Variants in IGSF11 observed in about 807,000 individuals in gnomAD.
IGSF11 encodes the protein immunoglobulin superfamily member 11, also known as CXADR like 1.
IGSF11 carries 22 observed loss-of-function variants against 41.0 expected under a neutral mutation model. The observed-to-expected ratio is 0.54, with a 90% CI of 0.38 to 0.77. IGSF11 has a LOEUF of 0.77. Ranked by LOEUF, IGSF11 falls within the 30% of genes least tolerant of loss-of-function variation. The pLI, the probability that IGSF11 is intolerant of heterozygous loss-of-function variation, is 0.00. For synonymous variants in IGSF11, 219 were observed against 201.3 expected (o/e 1.09, Z -0.74); for missense variants, 444 against 530.8 (o/e 0.84, Z 1.61).
intron 1 of IGSF11, among the ~76,000 whole-genome samples, chr3:118,955,020 G>T (rs1354678514): frequency 6.6e-6 from 1 of 152,126 alleles, no homozygotes; most frequent in African/African-American, 2.4e-5. Context: ...ACTAGTAAAA[G>T]TAGAACTACC....
intron 1 of IGSF11, among the ~76,000 whole-genome samples, chr3:119,047,601 C>T (rs1941417521): frequency 6.6e-6 from 1 of 152,058 alleles, no homozygotes; most frequent in African/African-American, 2.4e-5. Context: ...GACAGAAAGT[C>T]AACAAGGATA....
chr3:119,079,383 A>T (rs2076553177), intron 1 of IGSF11, among the ~76,000 whole-genome samples: 1 of 152,144 alleles, frequency 6.6e-6, no homozygotes, highest in Non-Finnish European at 1.5e-5. Context: ...GTTAAAAAAT[A>T]ACAGATGTTG....
intron 1 of IGSF11, among the ~76,000 whole-genome samples, chr3:119,069,014 C>T (rs1166363671): frequency 6.6e-6 from 1 of 150,682 alleles, no homozygotes; most frequent in South Asian, 2.1e-4. Context: ...GCAAGCTCCG[C>T]CTACCAGGTT....
At chr3:119,001,751 T>G (rs1425376062) in intron 1 of IGSF11, among the ~76,000 whole-genome samples, 1 of 150,684 alleles carries the variant, frequency 6.6e-6, no homozygotes, top group Admixed American at 6.6e-5. Flanking sequence ...GATAGTTTAC[T>G]GAGAATGATG....
chr3:119,090,445 G>C (rs1488948237), intron 1 of IGSF11, among the ~76,000 whole-genome samples: 2 of 152,194 alleles, frequency 1.3e-5, no homozygotes, highest in East Asian at 3.9e-4. Flanking sequence ...TAAGCAAAAA[G>C]AACAAAGTTA....
intron 1 of IGSF11, among the ~76,000 whole-genome samples, chr3:119,062,722 T>C (rs1341432888): frequency 6.6e-6 from 1 of 152,176 alleles, no homozygotes; most frequent in Non-Finnish European, 1.5e-5. Context: ...CCTATATTGA[T>C]TGATACTTCC....
At position 119,143,436 on chromosome 3, in the gene IGSF11, T is replaced by C. The variant is rs1453643648; in HGVS notation, c.-14+2377A>G. The stretch of plus-strand genomic sequence containing the variant: ...TATAAGTTTAGGAGGCCAATTGTAA[T>C]CTCTAAGTAACCACTAAGACAATAA... On this transcript the variant is annotated intron_variant, in intron 1 of 7. Transcript: ENST00000425327. Among the ~76,000 whole-genome samples, 7 of 152,072 alleles carry C rather than the reference T, an allele frequency of 4.6e-5. No individual in the cohort carries two copies. In the East Asian group the frequency reaches 1.4e-3, roughly 29 times the overall value.
At chr3:119,121,067 T>C (rs952664947) in intron 1 of IGSF11, among the ~76,000 whole-genome samples, 1 of 152,004 alleles carries the variant, frequency 6.6e-6, no homozygotes, top group African/African-American at 2.4e-5. Flanking sequence ...ATGGCAATAA[T>C]GACAAACCTT....
At chr3:119,131,480 G>T (rs1241925379) in intron 1 of IGSF11, among the ~76,000 whole-genome samples, 1 of 152,094 alleles carries the variant, frequency 6.6e-6, no homozygotes, top group South Asian at 2.1e-4. Context: ...TAATGAAATA[G>T]CGAGAAGACA....
intron 1 of IGSF11, among the ~76,000 whole-genome samples, chr3:118,971,586 C>T (rs553629828): frequency 2.6e-5 from 4 of 152,132 alleles, no homozygotes; most frequent in South Asian, 2.1e-4. Context: ...GGGTGCATCA[C>T]GAGGTCAGGG....
intron 1 of IGSF11, among the ~76,000 whole-genome samples, chr3:118,959,213 C>T (rs1212947136): frequency 1.3e-5 from 2 of 152,184 alleles, no homozygotes; most frequent in Non-Finnish European, 2.9e-5. Context: ...TATTATGATG[C>T]TCCCTGCCAC....
intron 1 of IGSF11, among the ~76,000 whole-genome samples, chr3:119,024,295 A>G (rs1450188068): frequency 6.6e-6 from 1 of 152,226 alleles, no homozygotes; most frequent in Non-Finnish European, 1.5e-5. Flanking sequence ...TCTCACGAAA[A>G]TGAATCATGT....
At chr3:119,125,381 G>C (rs1235300706) in intron 1 of IGSF11, among the ~76,000 whole-genome samples, 1 of 152,196 alleles carries the variant, frequency 6.6e-6, no homozygotes, top group Non-Finnish European at 1.5e-5. Flanking sequence ...GGTCTGCAAA[G>C]GGTGGTGGGA....
chr3:119,070,701 A>G (rs1008051059), intron 1 of IGSF11, among the ~76,000 whole-genome samples: 3 of 152,120 alleles, frequency 2.0e-5, no homozygotes, highest in South Asian at 2.1e-4. Context: ...CTAAATGAAT[A>G]CAGATATAGA....
chr3:119,097,290 G>A (rs77951701), intron 1 of IGSF11, among the ~76,000 whole-genome samples: 1,917 of 152,244 alleles, frequency 0.013, 32 homozygotes, highest in African/African-American at 0.044. Flanking sequence ...TACTTCTGAT[G>A]TTTCCTTCCC....
chr3:118,933,470 T>TTTATATATATATATA (rs1553754814), intron 1 of IGSF11, among the ~76,000 whole-genome samples: 1 of 146,148 alleles, frequency 6.8e-6, no homozygotes. Context: ...CATGTATTTT[T>TTTATATATATATATA]TATATATATA....
intron 1 of IGSF11, among the ~76,000 whole-genome samples, chr3:118,968,180 G>C (rs79456767): frequency 0.026 from 3,991 of 152,290 alleles, 145 homozygotes; most frequent in African/African-American, 0.09. Context: ...CATATGGCCT[G>C]CTTCTGCAAA....
intron 1 of IGSF11, among the ~76,000 whole-genome samples, chr3:119,131,082 C>G (rs1260351547): frequency 6.6e-6 from 1 of 152,178 alleles, no homozygotes; most frequent in Non-Finnish European, 1.5e-5. Flanking sequence ...GATAAAACCA[C>G]AAAGATGGAG....
At chr3:119,058,332 C>T (rs375292489) in intron 1 of IGSF11, among the ~76,000 whole-genome samples, 19 of 152,168 alleles carry the variant, frequency 1.2e-4, no homozygotes, top group East Asian at 7.7e-4. Context: ...CAGACACTTC[C>T]CAAAAGAAGA....
Sources: gnomAD v4.1 joint callset for allele counts (sites outside exome capture counted in the v4.1 genomes callset) on GRCh38, gnomAD v4.1.1 for gene constraint, MANE v1.5 for transcripts, NCBI Gene and HGNC (gene_info 2026-07-23, HGNC 2026-07-21) for gene names.